The following TTC28 variants were observed in gnomAD, a reference collection of about 807,000 sequenced individuals.
TTC28 encodes the protein tetratricopeptide repeat domain 28.
In TTC28, 61 loss-of-function variants were observed where a neutral mutation model predicts 198.0. That is an observed-to-expected ratio of 0.31 (90% CI 0.25 to 0.38). TTC28 has a LOEUF of 0.38. Among genes scored for constraint, TTC28 ranks in the 10% least tolerant of loss-of-function variants. The pLI is 1.00. For synonymous variants in TTC28, 1,171 were observed against 1,297.8 expected (o/e 0.90, Z 2.10); for missense variants, 2,678 against 3,164.0 (o/e 0.85, Z 3.69).
chr22:27,984,982 G>A (rs917067493), intron 22 of TTC28, among the ~76,000 whole-genome samples: 27 of 152,168 alleles, frequency 1.8e-4, no homozygotes, highest in Non-Finnish European at 4.0e-4. Flanking sequence ...CTGTCGCCGC[G>A]TTCCCGTCTG....
chr22:28,372,610 C>T (rs1261266332), intron 2 of TTC28, among the ~76,000 whole-genome samples: 1 of 150,702 alleles, frequency 6.6e-6, no homozygotes, highest in Non-Finnish European at 1.5e-5. Flanking sequence ...GCTCTTTGTT[C>T]TACACACTGG....
intron 14 of TTC28, among the ~76,000 whole-genome samples, chr22:28,013,707 A>G (rs1938245084): frequency 6.6e-6 from 1 of 152,122 alleles, no homozygotes; most frequent in African/African-American, 2.4e-5. Flanking sequence ...TGTGGGCGCA[A>G]GGTGCAAAGA....
intron 2 of TTC28, among the ~76,000 whole-genome samples, chr22:28,378,736 T>C (rs1236753812): frequency 6.6e-6 from 1 of 151,792 alleles, no homozygotes; most frequent in African/African-American, 2.4e-5. Flanking sequence ...TTTGAAGATA[T>C]ACCAATTGAA....
intron 1 of TTC28, among the ~76,000 whole-genome samples, chr22:28,655,411 T>C (rs539286260): frequency 1.3e-5 from 2 of 152,346 alleles, no homozygotes; most frequent in Admixed American, 1.3e-4. Flanking sequence ...TTTTTAAAAA[T>C]AGTCCTGTGT....
rs1293604953 is a variant in TTC28 at position 28,259,450 on chromosome 22, GACTTATAGAGT to G, written c.933+36737_933+36747del. On this transcript the variant is annotated intron_variant, in intron 5 of 22. Transcript: ENST00000397906. ...CAGTTTAACATTTTTCTTCAGTTTG[GACTTATAGAGT>G]ACTAGAGATAACAGAGTAACTGATG... 2.0e-5 allele frequency among the ~76,000 whole-genome samples: 3 copies of G among 151,948 alleles called. No individual in the cohort carries two copies. The East Asian group carries it at 5.8e-4, about 29-fold the overall frequency.
At chr22:28,336,361 T>C (rs1312778771) in intron 2 of TTC28, among the ~76,000 whole-genome samples, 1 of 152,180 alleles carries the variant, frequency 6.6e-6, no homozygotes, top group Non-Finnish European at 1.5e-5. Context: ...ATAAAATGAG[T>C]TAGGGAGGAT....
At position 28,417,300 on chromosome 22, in the gene TTC28, T is replaced by TAA. The variant is rs68164494; in HGVS notation, c.382-110659_382-110658dup. 2.5e-3 allele frequency among the ~76,000 whole-genome samples: 112 copies of TAA among 44,666 alleles called. 5 individuals carry two copies. Among genetic ancestry groups the TAA allele is most frequent in the African/African-American group, 6.4e-3 (68 of 10,704 alleles). The allele number at this position is 44,666 out of a possible 152,430, so 29.3% of individuals were successfully genotyped here. The stretch of plus-strand genomic sequence containing the variant: ...AAACATAGCAAGACCCTGTCTCTAC[T>TAA]AAAAAAAAAAAAAAAAAAAAAAAAA... On this transcript the variant is annotated intron_variant, in intron 2 of 22. Transcript: ENST00000397906.
intron 12 of TTC28, among the ~76,000 whole-genome samples, chr22:28,088,808 A>T (rs1352579685): frequency 6.6e-6 from 1 of 152,200 alleles, no homozygotes; most frequent in Non-Finnish European, 1.5e-5. Context: ...AACTCAAACA[A>T]ATTTACAAGA....
chr22:27,985,259 C>T lies in TTC28; in HGVS notation c.5805G>A (p.Leu1935=), dbSNP rs2146501149. 6.4e-7 allele frequency: 1 copy of T among 1,551,210 alleles called. No individual in the cohort carries two copies. The highest frequency in any genetic ancestry group is 8.7e-7 in the Non-Finnish European group (1 of 1,146,700). Residue 1935 remains leucine, a synonymous_variant, in exon 22 of 23, where the codon CTG becomes CTA. Coordinates refer to ENST00000397906, the MANE Select transcript of TTC28 (RefSeq NM_001145418.2). ...RTVHFALQSL[L]SLFDSTELPK... is the part of the protein sequence containing the mutation. Reference sequence around the variant, plus strand: ...AGGGCAGGCTCTTACCAAACAGAGACAGCAGGGACTGGAGCGCGAAGTGCA... The same window carrying T: ...AGGGCAGGCTCTTACCAAACAGAGATAGCAGGGACTGGAGCGCGAAGTGCA...
chr22:28,153,705 T>C (rs969653318), intron 6 of TTC28, among the ~76,000 whole-genome samples: 2 of 152,230 alleles, frequency 1.3e-5, no homozygotes, highest in African/African-American at 4.8e-5. Flanking sequence ...ATCAAAAGAA[T>C]GAATGAACAG....
intron 2 of TTC28, among the ~76,000 whole-genome samples, chr22:28,350,223 TA>T (rs1204848881): frequency 6.6e-6 from 1 of 152,192 alleles, no homozygotes; most frequent in Non-Finnish European, 1.5e-5. Context: ...AGATAAAGTA[TA>T]TTTTTTTCTC....
intron 5 of TTC28, among the ~76,000 whole-genome samples, chr22:28,238,984 G>A (rs560111662): frequency 7.9e-5 from 12 of 152,062 alleles, no homozygotes; most frequent in African/African-American, 2.2e-4. Flanking sequence ...CTCTCCTTAC[G>A]ACATGACCTG....
rs559910737 is a variant in TTC28 at position 27,993,281 on chromosome 22, G to A, written c.5476+6C>T. ...CTGTTGCCCCAGCCCTACACCCACAGCTCACCCAGCAGGGACTGGAGTGTG... is the reference window on the plus strand; with the variant it reads ...CTGTTGCCCCAGCCCTACACCCACAACTCACCCAGCAGGGACTGGAGTGTG... On this transcript the variant is annotated splice_donor_region_variant and intron_variant, in intron 18 of 22. Transcript: ENST00000397906. The A allele has an allele frequency of 2.6e-5, 39 of 1,519,906 alleles. 1 individual carries two copies. In the South Asian group the frequency reaches 3.8e-4, roughly 15 times the overall value. 94.2% of individuals were successfully genotyped at this position (1,519,906 alleles called of 1,614,324 possible).
intron 2 of TTC28, among the ~76,000 whole-genome samples, chr22:28,610,202 G>C (rs1173489313): frequency 1.3e-5 from 2 of 152,166 alleles, no homozygotes; most frequent in Admixed American, 1.3e-4. Flanking sequence ...GCTCTCAAGA[G>C]AGCAGCAGAT....
At chr22:28,481,714 T>C (rs1168852531) in intron 2 of TTC28, among the ~76,000 whole-genome samples, 2 of 152,248 alleles carry the variant, frequency 1.3e-5, no homozygotes, top group East Asian at 3.9e-4. Flanking sequence ...GAGATAGGAT[T>C]TGGATTAATT....
chr22:28,552,988 T>C (rs2049710688), intron 2 of TTC28, among the ~76,000 whole-genome samples: 1 of 152,088 alleles, frequency 6.6e-6, no homozygotes, highest in Non-Finnish European at 1.5e-5. Context: ...GGGGTTTCGC[T>C]GTGTTGGCCG....
chr22:28,262,034 G>A (rs892441651), intron 5 of TTC28, among the ~76,000 whole-genome samples: 1 of 152,106 alleles, frequency 6.6e-6, no homozygotes, highest in Non-Finnish European at 1.5e-5. Context: ...ATGAAAAATA[G>A]ATAACTTCAG....
chr22:28,395,627 C>A (rs1329360430), intron 2 of TTC28, among the ~76,000 whole-genome samples: 3 of 15,836 alleles, frequency 1.9e-4, no homozygotes, highest in African/African-American at 5.3e-4. Context: ...AAAAAAAAAC[C>A]AAACAAACAA....
At chr22:28,047,421 T>C (rs980981893) in intron 12 of TTC28, among the ~76,000 whole-genome samples, 13 of 152,152 alleles carry the variant, frequency 8.5e-5, no homozygotes, top group African/African-American at 2.4e-4. Context: ...AGTTCTGTCC[T>C]GTAAAGTCAC....
Sources: gnomAD v4.1 joint callset for allele counts (sites outside exome capture counted in the v4.1 genomes callset) on GRCh38, gnomAD v4.1.1 for gene constraint, MANE v1.5 for transcripts, NCBI Gene and HGNC (gene_info 2026-07-23, HGNC 2026-07-21) for gene names.